Variants in IPO8 observed in about 807,000 individuals in gnomAD.
IPO8 encodes importin 8, also known as importin-8.
A neutral mutation model predicts 141.2 loss-of-function variants in IPO8; 65 were observed. That is an observed-to-expected ratio of 0.46 (90% CI 0.38 to 0.57). The LOEUF (loss-of-function observed/expected upper bound fraction) is 0.57. IPO8 is among the 20% of genes least tolerant of loss of function. The pLI is 0.00. For missense variants in IPO8, 980 were observed against 1,246.8 expected, an observed-to-expected ratio of 0.79 and a Z score of 3.22; for synonymous variants, 411 against 420.3, an observed-to-expected ratio of 0.98 and a Z score of 0.27.
chr12:30,631,614 A>T (rs758627976), intron 24 of IPO8: 15 of 255,634 alleles, frequency 5.9e-5, no homozygotes, highest in Non-Finnish European at 1.1e-4. Flanking sequence ...CCTCGGCAAG[A>T]CTTATCCCAA....
chr12:30,673,977 A>G lies in IPO8; in HGVS notation c.909+13T>C, dbSNP rs751925260. 6 of 1,508,660 alleles carry G rather than the reference A, an allele frequency of 4.0e-6. No individual in the cohort carries two copies. The highest frequency in any genetic ancestry group is 2.3e-5 in the East Asian group (1 of 43,702). 93.5% of individuals were successfully genotyped at this position (1,508,660 alleles called of 1,614,324 possible). On this transcript the variant is annotated intron_variant, in intron 8 of 24. Coordinates refer to ENST00000256079, the MANE Select transcript of IPO8 (RefSeq NM_006390.4). ...GTAACCATTATTCTATTTTAAAAGC[A>G]TAAGTTTATTACCTGCTGAATGCCC...
chr12:30,662,079 G>T (rs2052895446), intron 15 of IPO8, among the ~76,000 whole-genome samples: 1 of 152,138 alleles, frequency 6.6e-6, no homozygotes. Flanking sequence ...TATACAGTTT[G>T]CTAATGTAGT....
intron 4 of IPO8, among the ~76,000 whole-genome samples, chr12:30,681,261 A>G (rs1043111585): frequency 1.3e-5 from 2 of 152,204 alleles, no homozygotes; most frequent in African/African-American, 4.8e-5. Flanking sequence ...TTTTATGGAA[A>G]AGAATGTCAT....
Position 30,630,881 on chromosome 12 carries a change from C to A in IPO8, c.3093G>T (p.Gly1031=). The A allele has an allele frequency of 6.2e-7, 1 of 1,613,498 alleles. No individual in the cohort carries two copies. The highest frequency in any genetic ancestry group is 8.5e-7 in the Non-Finnish European group (1 of 1,179,758). The change falls in exon 25 of 25, where the codon GGG becomes GGT. Residue 1031 remains glycine (G), a synonymous_variant. Coordinates refer to ENST00000256079, the MANE Select transcript of IPO8 (RefSeq NM_006390.4). ...NKGVLSAFNF[G]TVPSNN ...TCCTTCAGTTGTTGCTGGGCACAGTCCCAAAATTAAATGCGGAGAGGACTC... is the reference window on the plus strand; with the variant it reads ...TCCTTCAGTTGTTGCTGGGCACAGTACCAAAATTAAATGCGGAGAGGACTC...
intron 6 of IPO8, among the ~76,000 whole-genome samples, chr12:30,674,957 T>C (rs112549083): frequency 4.6e-5 from 7 of 152,190 alleles, no homozygotes; most frequent in Non-Finnish European, 8.8e-5. Flanking sequence ...GCTGTTCACA[T>C]TTACCTCCTG....
intron 3 of IPO8, among the ~76,000 whole-genome samples, chr12:30,682,327 T>C (rs11051023): frequency 0.23 from 34,705 of 152,044 alleles, 4,199 homozygotes; most frequent in Middle Eastern, 0.3. Flanking sequence ...ACATCGTATG[T>C]TGAATCTATC....
chr12:30,664,320 CTAT>C (rs770124707), intron 13 of IPO8, among the ~76,000 whole-genome samples: 2 of 152,136 alleles, frequency 1.3e-5, no homozygotes, highest in Non-Finnish European at 2.9e-5. Context: ...GCGCTAGTAA[CTAT>C]TATTTTATAA....
At chr12:30,680,952 A>G (rs943127955) in intron 4 of IPO8, among the ~76,000 whole-genome samples, 7 of 152,162 alleles carry the variant, frequency 4.6e-5, no homozygotes, top group Non-Finnish European at 7.4e-5. Context: ...AATTCTTACT[A>G]TAAAATATAA....
At chr12:30,633,721 C>G (rs577162192) in intron 23 of IPO8, among the ~76,000 whole-genome samples, 1 of 152,336 alleles carries the variant, frequency 6.6e-6, no homozygotes, top group East Asian at 1.9e-4. Flanking sequence ...TTGTTAGCCA[C>G]AATTTTTAAG....
intron 2 of IPO8, among the ~76,000 whole-genome samples, chr12:30,687,482 A>G (rs948226859): frequency 3.3e-5 from 5 of 151,970 alleles, no homozygotes; most frequent in African/African-American, 9.7e-5. Context: ...TCATAACCTC[A>G]AAGTGGAGAA....
intron 19 of IPO8, among the ~76,000 whole-genome samples, chr12:30,649,895 A>C (rs1565497014): frequency 6.6e-6 from 1 of 152,118 alleles, no homozygotes; most frequent in Non-Finnish European, 1.5e-5. Context: ...TATATTAAAA[A>C]TTGTTTAAGG....
intron 5 of IPO8, 118 bp downstream of exon 5, chr12:30,680,364 A>G: frequency 1.4e-6 from 1 of 732,858 alleles, no homozygotes. Flanking sequence ...CATTTTTTAA[A>G]GAAATATATG....
intron 20 of IPO8, among the ~76,000 whole-genome samples, chr12:30,643,246 G>C (rs952403051): frequency 4.6e-5 from 7 of 152,086 alleles, no homozygotes; most frequent in African/African-American, 1.7e-4. Flanking sequence ...CACCCATGAA[G>C]TGCATGAGCC....
Position 30,695,785 on chromosome 12 carries a change from C to T in IPO8, c.-138G>A. ...CACCCCCCGCCACCGTCGCCACCTG[C>T]GGCCACTTGCTGCGCCACTCTGACT... is the stretch of plus-strand genomic sequence containing the variant. On this transcript the variant is annotated 5_prime_UTR_variant, in exon 1 of 25. Transcript: ENST00000256079. The surrounding 1 kb of genome is among the most constrained non-coding windows in gnomAD (Gnocchi z 4.2). 2 of 694,600 alleles carry T rather than the reference C, an allele frequency of 2.9e-6. No homozygotes were observed. Among genetic ancestry groups the T allele is most frequent in the Non-Finnish European group, 4.7e-6 (2 of 423,942 alleles). The allele number at this position is 694,600 out of a possible 1,614,324, so 43.0% of individuals were successfully genotyped here. A position where few individuals can be genotyped will look rare whatever the true frequency, so the allele number is the denominator to read the frequency against.
chr12:30,690,853 A>G (rs2053285073), intron 1 of IPO8, among the ~76,000 whole-genome samples: 1 of 152,206 alleles, frequency 6.6e-6, no homozygotes, highest in Admixed American at 6.5e-5. Flanking sequence ...TTACACTCCC[A>G]ACAGCAGCAT....
intron 20 of IPO8, among the ~76,000 whole-genome samples, chr12:30,646,972 C>T (rs1346269602): frequency 1.3e-5 from 2 of 152,144 alleles, no homozygotes; most frequent in Admixed American, 6.6e-5. Context: ...GATCCTAAAA[C>T]TCGTATGAAA....
intron 20 of IPO8, among the ~76,000 whole-genome samples, chr12:30,648,342 T>C (rs1450615848): frequency 1.3e-5 from 2 of 152,184 alleles, no homozygotes; most frequent in African/African-American, 2.4e-5. Context: ...TATAAGATGA[T>C]TACATTTACA....
rs376255708 is a variant in IPO8, at chr12:30,641,554, T to C, written c.2269-1819A>G. The stretch of plus-strand genomic sequence containing the variant: ...TCTTGCTCTGTCACCCAGGCTAGAG[T>C]GCAAATTAAGCTATTTCTAAAAATT... On this transcript the variant is annotated intron_variant, in intron 20 of 24. Transcript: ENST00000256079. 5.1e-4 allele frequency among the ~76,000 whole-genome samples: 75 copies of C among 148,426 alleles called. 1 individual carries two copies. The East Asian group carries it at 0.015, about 29-fold the overall frequency.
In IPO8 at chr12:30,695,205, C is replaced by T. The variant is rs1466151725; in HGVS notation, c.84+359G>A. On this transcript the variant is annotated intron_variant, in intron 1 of 24. Coordinates refer to ENST00000256079, the MANE Select transcript of IPO8 (RefSeq NM_006390.4). This position sits in a 1 kb window ranked among gnomAD's most constrained non-coding sequence, Gnocchi z 4.2. ...TCAGATTTGAACTGTAAGTAAAATT[C>T]CCACCTGCTCCCCAAGTCCGCGCAC... 2.4e-6 allele frequency: 1 copy of T among 408,906 alleles called. No individual in the cohort carries two copies. Among genetic ancestry groups the T allele is most frequent in the East Asian group, 5.7e-5 (1 of 17,656 alleles). 25.3% of individuals were successfully genotyped at this position (408,906 alleles called of 1,614,324 possible). A position where few individuals can be genotyped will look rare whatever the true frequency, so the allele number is the denominator to read the frequency against.
Sources: allele counts gnomAD v4.1 joint callset (sites outside exome capture counted in the v4.1 genomes callset), GRCh38; gene constraint gnomAD v4.1.1; non-coding constraint Gnocchi (gnomAD v3.1); transcripts MANE v1.5; gene names NCBI Gene and HGNC (gene_info 2026-07-23, HGNC 2026-07-21).